MDGA2: variants seen among roughly 807,000 people sequenced by gnomAD.
MDGA2 encodes the protein MAM domain-containing glycosylphosphatidylinositol anchor protein 2.
Under a neutral mutation model 117.8 loss-of-function variants are expected in MDGA2, and 40 were observed. The observed-to-expected ratio is 0.34, with a 90% CI of 0.26 to 0.44. The LOEUF is 0.44. MDGA2 is among the 20% of genes least tolerant of loss of function. MDGA2 has a pLI of 1.00. For missense variants in MDGA2, 1,123 were observed against 1,250.6 expected, an observed-to-expected ratio of 0.90 and a Z score of 1.54; for synonymous variants, 452 against 439.0, an observed-to-expected ratio of 1.03 and a Z score of -0.37.
At chr14:46,864,024 C>A (rs910165433) in intron 14 of MDGA2, among the ~76,000 whole-genome samples, 1 of 151,936 alleles carries the variant, frequency 6.6e-6, no homozygotes, top group African/African-American at 2.4e-5. Flanking sequence ...ACTAACTCGT[C>A]ATCTAGCATT....
chr14:47,264,105 T>C (rs1887886325), intron 2 of MDGA2, among the ~76,000 whole-genome samples: 1 of 152,312 alleles, frequency 6.6e-6, no homozygotes, highest in South Asian at 2.1e-4. Context: ...AATAATTTAA[T>C]AACTGCAATT....
At chr14:47,225,554 CG>C (rs974550933) in intron 2 of MDGA2, among the ~76,000 whole-genome samples, 113 of 43,616 alleles carry the variant, frequency 2.6e-3, no homozygotes, top group African/African-American at 0.012. Context: ...AGTAAACTAT[CG>C]CCAAGGACAA....
At chr14:47,110,152 T>TAATGCACC (rs1468793655) in intron 5 of MDGA2, among the ~76,000 whole-genome samples, 1 of 138,690 alleles carries the variant, frequency 7.2e-6, no homozygotes, top group Non-Finnish European at 1.5e-5. Flanking sequence ...TATCAAAATG[T>TAATGCACC]AATGCACCAC....
intron 10 of MDGA2, among the ~76,000 whole-genome samples, chr14:46,905,448 G>T (rs1025933304): frequency 6.6e-6 from 1 of 151,812 alleles, no homozygotes; most frequent in East Asian, 1.9e-4. Flanking sequence ...TTGAGATTGC[G>T]TGCAAACTAT....
chr14:47,519,642 T>G (rs1015513515), intron 1 of MDGA2, among the ~76,000 whole-genome samples: 2 of 152,162 alleles, frequency 1.3e-5, no homozygotes, highest in Admixed American at 6.6e-5. Flanking sequence ...AGTGGAAAAA[T>G]TTTATCCCTC....
At chr14:47,412,128 T>C (rs1892386321) in intron 1 of MDGA2, among the ~76,000 whole-genome samples, 1 of 152,180 alleles carries the variant, frequency 6.6e-6, no homozygotes, top group South Asian at 2.1e-4. Flanking sequence ...TCAGTTTTCC[T>C]GATATAAAAT....
At chr14:46,843,086 G>A (rs1438582713) in intron 16 of MDGA2, among the ~76,000 whole-genome samples, 1 of 150,570 alleles carries the variant, frequency 6.6e-6, no homozygotes, top group Non-Finnish European at 1.5e-5. Context: ...AATACATACA[G>A]GGGGTGTTTT....
intron 6 of MDGA2, among the ~76,000 whole-genome samples, chr14:47,086,383 A>G (rs1326876665): frequency 1.3e-5 from 2 of 152,120 alleles, no homozygotes; most frequent in African/African-American, 4.8e-5. Flanking sequence ...AGCATTTAGA[A>G]TGAGCACTGA....
intron 1 of MDGA2, among the ~76,000 whole-genome samples, chr14:47,664,162 C>A (rs1352406041): frequency 5.9e-5 from 9 of 152,102 alleles, no homozygotes; most frequent in Non-Finnish European, 1.3e-4. Flanking sequence ...ATAAACTACA[C>A]GTGCATCGAA....
chr14:47,532,639 T>C (rs145252247), intron 1 of MDGA2, among the ~76,000 whole-genome samples: 17 of 152,356 alleles, frequency 1.1e-4, no homozygotes, highest in South Asian at 4.1e-4. Context: ...TCAGTGATAC[T>C]ACTTTCTTCT....
At chr14:47,535,172 ATG>A (rs1367023810) in intron 1 of MDGA2, among the ~76,000 whole-genome samples, 1 of 152,172 alleles carries the variant, frequency 6.6e-6, no homozygotes, top group Admixed American at 6.5e-5. Context: ...AAAAGCAGCT[ATG>A]TACATTCCAT....
intron 2 of MDGA2, among the ~76,000 whole-genome samples, chr14:47,263,783 A>G (rs916848873): frequency 6.6e-6 from 1 of 152,172 alleles, no homozygotes; most frequent in African/African-American, 2.4e-5. Flanking sequence ...CATTCTTTAT[A>G]TCAAAATGAA....
At chr14:47,339,156 A>G (rs930416795) in intron 1 of MDGA2, among the ~76,000 whole-genome samples, 3 of 152,242 alleles carry the variant, frequency 2.0e-5, no homozygotes, top group Non-Finnish European at 4.4e-5. Flanking sequence ...TCAAAGTACA[A>G]GGGTGTGTAT....
chr14:47,359,678 G>A (rs1427690045), intron 1 of MDGA2, among the ~76,000 whole-genome samples: 1 of 146,106 alleles, frequency 6.8e-6, no homozygotes, highest in Non-Finnish European at 1.5e-5. Flanking sequence ...TTGAACCTGA[G>A]AGGTGGAGGT....
chr14:46,865,502 A>C (rs1339036999), intron 14 of MDGA2, among the ~76,000 whole-genome samples: 1 of 152,166 alleles, frequency 6.6e-6, no homozygotes, highest in Non-Finnish European at 1.5e-5. Flanking sequence ...GCCCTCTCTC[A>C]CCAGTCCTAT....
At chr14:47,328,529 A>G (rs1890206559) in intron 1 of MDGA2, among the ~76,000 whole-genome samples, 1 of 152,192 alleles carries the variant, frequency 6.6e-6, no homozygotes, top group East Asian at 1.9e-4. Flanking sequence ...CATTCTTGGA[A>G]GAAACTTCAT....
At chr14:47,263,171 T>G (rs1887855133) in intron 2 of MDGA2, among the ~76,000 whole-genome samples, 1 of 151,820 alleles carries the variant, frequency 6.6e-6, no homozygotes, top group Non-Finnish European at 1.5e-5. Context: ...TTTTCTAAGT[T>G]CAATCTGGCA....
chr14:46,844,766 A>T lies in MDGA2; in HGVS notation c.2989+1000T>A, dbSNP rs141373120. ...TCTCATCTTGAAATATAATCCGCAT[A>T]ATCCCCATGTTTCAAGTGAGAGACC... On this transcript the variant is annotated intron_variant, in intron 16 of 16. Coordinates refer to ENST00000399232, the MANE Select transcript of MDGA2 (RefSeq NM_001113498.3). 2.7e-3 allele frequency among the ~76,000 whole-genome samples: 415 copies of T among 152,216 alleles called. 2 individuals are homozygous for T. The highest frequency in any genetic ancestry group is 9.6e-3 in the African/African-American group (400 of 41,552).
chr14:47,046,573 A>G (rs1364615156), intron 7 of MDGA2, among the ~76,000 whole-genome samples: 2 of 151,818 alleles, frequency 1.3e-5, no homozygotes, highest in Non-Finnish European at 2.9e-5. Flanking sequence ...CATGTTGTGC[A>G]CATGTACCCT....
Sources: allele counts gnomAD v4.1 joint callset (sites outside exome capture counted in the v4.1 genomes callset), GRCh38; gene constraint gnomAD v4.1.1; transcripts MANE v1.5; gene names NCBI Gene and HGNC (gene_info 2026-07-23, HGNC 2026-07-21).